Variants in LIFR observed in about 807,000 individuals in gnomAD.
LIFR encodes leukemia inhibitory factor receptor.
A neutral mutation model predicts 122.2 loss-of-function variants in LIFR; 84 were observed. The ratio of observed to expected loss-of-function variants is 0.69; its 90% confidence interval spans 0.58 to 0.82. The LOEUF is 0.82. Ranked by LOEUF, LIFR falls within the 40% of genes least tolerant of loss-of-function variation. The pLI, the probability that LIFR is intolerant of heterozygous loss-of-function variation, is 0.00. For missense variants in LIFR, 1,294 were observed against 1,311.6 expected (o/e 0.99, Z 0.21); for synonymous variants, 422 against 434.7 (o/e 0.97, Z 0.36).
chr5:38,550,254 G>A, intron 1 of LIFR: 1 of 975,184 alleles, frequency 1.0e-6, no homozygotes, highest in Non-Finnish European at 1.2e-6. Flanking sequence ...TCCCCATATG[G>A]CCATAAATTT....
intron 1 of LIFR, 132 bp from the exon 2 acceptor site, chr5:38,530,798 C>G: frequency 1.2e-6 from 1 of 840,238 alleles, no homozygotes. Context: ...TGGAGATACT[C>G]AAACTCAAGC....
At chr5:38,508,548 G>A (rs1009526822) in intron 7 of LIFR, among the ~76,000 whole-genome samples, 5 of 151,814 alleles carry the variant, frequency 3.3e-5, no homozygotes, top group African/African-American at 9.6e-5. Flanking sequence ...TGTGTGTAGG[G>A]AAAAACTAAC....
At chr5:38,596,044 G>A (rs1750090499), upstream of LIFR, among the ~76,000 whole-genome samples, 1 of 152,122 alleles carries the variant, frequency 6.6e-6, no homozygotes, top group Non-Finnish European at 1.5e-5. Context: ...CCCACAATAG[G>A]TAATCTTAGC....
chr5:38,482,608 A>C lies in LIFR; in HGVS notation c.2651T>G (p.Phe884Cys). The change falls in exon 19 of 20, where the codon TTT (phenylalanine) becomes TGT (cysteine). Residue 884 changes from phenylalanine to cysteine, a missense_variant. Transcript: ENST00000453190. ...GATTACCTCACAGACACTCTTTTGA[A>C]ACTGTAATGCTTTACAGTTTTCTGG... is the stretch of plus-strand genomic sequence containing the variant. ...PNPENCKALQFQKSVCEGSSA... is the reference protein window; with the variant it reads ...PNPENCKALQCQKSVCEGSSA... The C allele has an allele frequency of 2.0e-6, 3 of 1,499,770 alleles. No homozygotes were observed. Among genetic ancestry groups the C allele is most frequent in the Non-Finnish European group, 2.7e-6 (3 of 1,099,768 alleles). The allele number at this position is 1,499,770 out of a possible 1,614,324, so 92.9% of individuals were successfully genotyped here.
chr5:38,477,641 C>A lies in LIFR; in HGVS notation c.*3954G>T. On this transcript the variant is annotated 3_prime_UTR_variant, in exon 20 of 20. Transcript: ENST00000453190. ...AGTCCTTCCTCAGTTTTCACTCAAA[C>A]CGTGGAGTCACTTCCGAAGTAGATT... 1 of 213,856 alleles carries A rather than the reference C, an allele frequency of 4.7e-6. No individual in the cohort carries two copies. The highest frequency in any genetic ancestry group is 7.0e-5 in the East Asian group (1 of 14,250). The allele number at this position is 213,856 out of a possible 1,614,324, so 13.2% of individuals were successfully genotyped here.
At chr5:38,594,887 G>A (rs1750048791) in intron 1 of LIFR, 1 of 202,814 alleles carries the variant, frequency 4.9e-6, no homozygotes, top group Admixed American at 6.0e-5. Context: ...CAGTGTGCAA[G>A]CTGGATTTTC....
At chr5:38,497,189 G>A (rs552717810) in intron 12 of LIFR, among the ~76,000 whole-genome samples, 2 of 152,146 alleles carry the variant, frequency 1.3e-5, no homozygotes, top group Non-Finnish European at 2.9e-5. Context: ...AGGCTGAGGC[G>A]GGAGAATCAC....
At chr5:38,518,058 G>T (rs1746199088) in intron 5 of LIFR, among the ~76,000 whole-genome samples, 1 of 151,354 alleles carries the variant, frequency 6.6e-6, no homozygotes, top group Admixed American at 6.6e-5. Context: ...GCTGCAGTCA[G>T]CTATATGATC....
chr5:38,475,043 G>C lies in LIFR; in HGVS notation c.*6552C>G, dbSNP rs1561118083. 5.7e-6 allele frequency: 1 copy of C among 174,982 alleles called. No individual in the cohort carries two copies. Among genetic ancestry groups the C allele is most frequent in the Non-Finnish European group, 1.2e-5 (1 of 81,092 alleles). The allele number at this position is 174,982 out of a possible 1,614,324, so 10.8% of individuals were successfully genotyped here. A position where few individuals can be genotyped will look rare whatever the true frequency, so the allele number is the denominator to read the frequency against. ...TAAATACATGCATGTTTTAAAAACAGACATAAGTAACATCTTTAGAGTTAA... is the reference window on the plus strand; with the variant it reads ...TAAATACATGCATGTTTTAAAAACACACATAAGTAACATCTTTAGAGTTAA... On this transcript the variant is annotated 3_prime_UTR_variant, in exon 20 of 20. Coordinates refer to ENST00000453190, the MANE Select transcript of LIFR (RefSeq NM_001127671.2).
chr5:38,560,584 T>A (rs1216625390), upstream of LIFR, among the ~76,000 whole-genome samples: 1 of 151,782 alleles, frequency 6.6e-6, no homozygotes, highest in Admixed American at 6.6e-5. Flanking sequence ...TGTTTTGTTT[T>A]GTTTTGTTTT....
intron 1 of LIFR, among the ~76,000 whole-genome samples, chr5:38,554,345 T>C (rs910386122): frequency 6.6e-6 from 1 of 152,220 alleles, no homozygotes; most frequent in African/African-American, 2.4e-5. Flanking sequence ...GGCACACTTA[T>C]TTCCTGGAAG....
intron 5 of LIFR, among the ~76,000 whole-genome samples, chr5:38,515,666 A>T (rs1425268168): frequency 6.6e-6 from 1 of 152,120 alleles, no homozygotes; most frequent in Non-Finnish European, 1.5e-5. Context: ...GGGGGTTGCT[A>T]TCAAGAAATA....
In LIFR at chr5:38,570,444, A is replaced by T. The variant is rs147634435; in HGVS notation, c.-20+24817T>A. On this transcript the variant is annotated intron_variant, in intron 1 of 19. Coordinates refer to the LIFR transcript ENST00000263409. ...ATAGAGTTCTTGTTTTCCTCTTATG[A>T]GCATACCTTTAATGAGTGAGGATTT... Among the ~76,000 whole-genome samples the T allele has an allele frequency of 7.9e-5, 12 of 152,274 alleles. No individual in the cohort carries two copies. In the East Asian group the frequency reaches 2.3e-3, roughly 29 times the overall value.
chr5:38,484,582 T>C (rs1293729267), intron 18 of LIFR, among the ~76,000 whole-genome samples, 193 bp downstream of exon 18: 3 of 152,192 alleles, frequency 2.0e-5, no homozygotes, highest in Non-Finnish European at 4.4e-5. Flanking sequence ...ATTTACACAT[T>C]GACTCTATTA....
At chr5:38,521,135 G>A (rs1285703931) in intron 5 of LIFR, among the ~76,000 whole-genome samples, 1 of 152,062 alleles carries the variant, frequency 6.6e-6, no homozygotes, top group African/African-American at 2.4e-5. Flanking sequence ...TCCTTATAGA[G>A]ATCTTCCAAC....
intron 1 of LIFR, 80 bp from the exon 2 acceptor site, chr5:38,530,746 T>C (rs1746961945): frequency 8.3e-7 from 1 of 1,201,398 alleles, no homozygotes; most frequent in South Asian, 1.2e-5. Context: ...AACACTCAAA[T>C]AGATTCTGAC....
At chr5:38,606,733 G>A (rs750821029) in intron 1 of LIFR, among the ~76,000 whole-genome samples, 17 of 152,144 alleles carry the variant, frequency 1.1e-4, no homozygotes, top group Non-Finnish European at 1.9e-4. Flanking sequence ...GCAGAGCCAG[G>A]TTCCAAATTC....
intron 1 of LIFR, among the ~76,000 whole-genome samples, chr5:38,586,170 C>G (rs762029115): frequency 1.1e-4 from 17 of 152,128 alleles, no homozygotes; most frequent in Non-Finnish European, 2.2e-4. Flanking sequence ...ACTCTTGTCA[C>G]CCGGGTGTCA....
intron 1 of LIFR, among the ~76,000 whole-genome samples, chr5:38,536,182 A>G (rs887314849): frequency 6.6e-6 from 1 of 152,216 alleles, no homozygotes; most frequent in Admixed American, 6.5e-5. Flanking sequence ...GCAGTACTCA[A>G]TAGCTTCACA....
Sources: allele counts gnomAD v4.1 joint callset (sites outside exome capture counted in the v4.1 genomes callset), GRCh38; gene constraint gnomAD v4.1.1; transcripts MANE v1.5; gene names NCBI Gene and HGNC (gene_info 2026-07-23, HGNC 2026-07-21).